The following HPSE2 variants were observed in gnomAD, a reference collection of about 807,000 sequenced individuals.
HPSE2 encodes the protein inactive heparanase-2.
Under a neutral mutation model 60.5 loss-of-function variants are expected in HPSE2, and 38 were observed. The observed-to-expected ratio is 0.63, with a 90% CI of 0.48 to 0.82. The LOEUF (loss-of-function observed/expected upper bound fraction) is 0.82, where lower values mean the gene tolerates loss of function less well. Among genes scored for constraint, HPSE2 ranks in the 40% least tolerant of loss-of-function variants. The pLI, the probability that HPSE2 is intolerant of heterozygous loss-of-function variation, is 0.00. For synonymous variants in HPSE2, 295 were observed against 293.2 expected (o/e 1.01, Z -0.06); for missense variants, 713 against 740.4 (o/e 0.96, Z 0.43).
At chr10:99,077,284 T>C (rs536601526) in intron 3 of HPSE2, among the ~76,000 whole-genome samples, 5 of 152,326 alleles carry the variant, frequency 3.3e-5, no homozygotes, top group African/African-American at 1.2e-4. Context: ...AGCCATTACT[T>C]CTTTGAATAA....
chr10:98,862,156 C>A (rs1432672729), intron 3 of HPSE2, among the ~76,000 whole-genome samples: 1 of 152,138 alleles, frequency 6.6e-6, no homozygotes, highest in East Asian at 1.9e-4. Flanking sequence ...ATAGGTTGAG[C>A]CCATCTCTGG....
At chr10:99,160,487 G>C (rs888858502) in intron 2 of HPSE2, among the ~76,000 whole-genome samples, 2 of 152,142 alleles carry the variant, frequency 1.3e-5, no homozygotes, top group Non-Finnish European at 2.9e-5. Flanking sequence ...AATGTAAAAC[G>C]CTACAGCCTC....
chr10:98,578,266 T>C (rs1015007801), intron 9 of HPSE2, among the ~76,000 whole-genome samples: 5 of 152,164 alleles, frequency 3.3e-5, no homozygotes, highest in African/African-American at 1.2e-4. Context: ...AAACCTTCTG[T>C]CCCATGGGAA....
chr10:98,792,960 T>C (rs539137097), intron 3 of HPSE2, among the ~76,000 whole-genome samples: 16 of 152,218 alleles, frequency 1.1e-4, no homozygotes, highest in Non-Finnish European at 2.4e-4. Context: ...ATCTCCAGCA[T>C]GTCTTAAATA....
At chr10:98,610,263 C>T (rs72831939) in intron 9 of HPSE2, among the ~76,000 whole-genome samples, 4 of 152,088 alleles carry the variant, frequency 2.6e-5, no homozygotes, top group Admixed American at 6.5e-5. Flanking sequence ...AGTGCATACT[C>T]GGCATTGTCT....
At chr10:99,059,497 C>G (rs551452541) in intron 3 of HPSE2, among the ~76,000 whole-genome samples, 1 of 152,208 alleles carries the variant, frequency 6.6e-6, no homozygotes, top group South Asian at 2.1e-4. Context: ...TCTTGGTGAT[C>G]ATGGGCATTT....
intron 3 of HPSE2, among the ~76,000 whole-genome samples, chr10:98,856,029 AAATCC>A (rs1236108625): frequency 1.3e-5 from 2 of 152,300 alleles, no homozygotes; most frequent in East Asian, 3.9e-4. Flanking sequence ...GCTACCAATA[AAATCC>A]AAACCATAAA....
chr10:98,686,404 G>C (rs139328490), intron 6 of HPSE2, among the ~76,000 whole-genome samples: 62 of 152,016 alleles, frequency 4.1e-4, no homozygotes, highest in African/African-American at 1.5e-3. Flanking sequence ...TGATTCATAG[G>C]TTATTTATTT....
intron 9 of HPSE2, among the ~76,000 whole-genome samples, chr10:98,558,330 A>C (rs1026753385): frequency 6.6e-6 from 1 of 152,240 alleles, no homozygotes; most frequent in African/African-American, 2.4e-5. Flanking sequence ...TCCTAGCAGC[A>C]CTGTGTGTAA....
chr10:98,805,397 A>C (rs1313415194), intron 3 of HPSE2, among the ~76,000 whole-genome samples: 1 of 152,198 alleles, frequency 6.6e-6, no homozygotes, highest in East Asian at 1.9e-4. Context: ...TATAACACAA[A>C]GGATAAAAAT....
At chr10:98,859,465 T>C (rs769776638) in intron 3 of HPSE2, among the ~76,000 whole-genome samples, 74 of 152,196 alleles carry the variant, frequency 4.9e-4, no homozygotes, top group Non-Finnish European at 9.8e-4. Context: ...CACTTTCACA[T>C]ATGTGGGCAG....
At chr10:98,709,600 T>C (rs7901654) in intron 5 of HPSE2, among the ~76,000 whole-genome samples, 5,879 of 152,260 alleles carry the variant, frequency 0.039, 183 homozygotes, top group East Asian at 0.12. Flanking sequence ...CATTTCGGTA[T>C]TTGGGGGCCT....
At chr10:98,551,261 A>G (rs1313280612) in intron 9 of HPSE2, among the ~76,000 whole-genome samples, 1 of 152,100 alleles carries the variant, frequency 6.6e-6, no homozygotes, top group Admixed American at 6.6e-5. Context: ...GGAAGATCAT[A>G]CTGACAGCGC....
Position 98,803,838 on chromosome 10 carries a change from GT to G in HPSE2, c.611-59783del, listed in dbSNP as rs1158435179. ...TTGGTTCCATATGAACTTTAAAGTAGTTTTTTCCAATTCTGTGAAGAAAGTC... is the reference window on the plus strand; with the variant it reads ...TTGGTTCCATATGAACTTTAAAGTAGTTTTTCCAATTCTGTGAAGAAAGTC... On this transcript the variant is annotated intron_variant, in intron 3 of 11. Transcript: ENST00000370552. 4.6e-5 allele frequency among the ~76,000 whole-genome samples: 7 copies of G among 151,794 alleles called. No individual in the cohort carries two copies. In the East Asian group the frequency reaches 1.2e-3, roughly 25 times the overall value.
At chr10:99,141,699 C>A (rs1404350978) in intron 3 of HPSE2, among the ~76,000 whole-genome samples, 1 of 151,840 alleles carries the variant, frequency 6.6e-6, no homozygotes, top group Non-Finnish European at 1.5e-5. Flanking sequence ...GGCTGTTTAA[C>A]AGGGATCATT....
chr10:99,212,909 TTAAA>T (rs1038685683), intron 2 of HPSE2, among the ~76,000 whole-genome samples: 7 of 152,152 alleles, frequency 4.6e-5, no homozygotes, highest in African/African-American at 1.4e-4. Context: ...TTTTTGCCAG[TTAAA>T]TAAATAAAGT....
chr10:99,304,047 G>A, the HPSE2 span, among the ~76,000 whole-genome samples: 5 of 152,134 alleles, frequency 3.3e-5, no homozygotes, highest in Non-Finnish European at 5.9e-5. Flanking sequence ...AAGCTCAGCA[G>A]GAAGCAGTAA....
chr10:99,053,887 C>T (rs896688722), intron 3 of HPSE2, among the ~76,000 whole-genome samples: 1 of 151,364 alleles, frequency 6.6e-6, no homozygotes, highest in African/African-American at 2.4e-5. Flanking sequence ...GCTGCCACGC[C>T]CAGATAATTT....
At chr10:98,482,232 T>A (rs1239458576) in intron 11 of HPSE2, among the ~76,000 whole-genome samples, 1 of 152,138 alleles carries the variant, frequency 6.6e-6, no homozygotes, top group Admixed American at 6.5e-5. Context: ...CATTACAGAA[T>A]GTTACAGCTG....
Sources: allele counts gnomAD v4.1 joint callset (sites outside exome capture counted in the v4.1 genomes callset), GRCh38; gene constraint gnomAD v4.1.1; transcripts MANE v1.5; gene names NCBI Gene and HGNC (gene_info 2026-07-23, HGNC 2026-07-21).